Variants in CPNE4 observed in about 807,000 individuals in gnomAD.
CPNE4 encodes copine 4.
In CPNE4, 25 loss-of-function variants were observed where a neutral mutation model predicts 67.9. The observed-to-expected ratio is 0.37, with a 90% CI of 0.27 to 0.51. The LOEUF (loss-of-function observed/expected upper bound fraction) is 0.51. Among genes scored for constraint, CPNE4 ranks in the 20% least tolerant of loss-of-function variants. The pLI is 0.93. For synonymous variants in CPNE4, 242 were observed against 244.9 expected, an observed-to-expected ratio of 0.99 and a Z score of 0.11; for missense variants, 464 against 690.8, an observed-to-expected ratio of 0.67 and a Z score of 3.68.
chr3:131,801,422 G>A (rs9859894), intron 2 of CPNE4, among the ~76,000 whole-genome samples: 15,851 of 42,954 alleles, frequency 0.37, 2,193 homozygotes, highest in African/African-American at 0.46. Context: ...ATACGTGTGT[G>A]TGTGTGTGTG....
chr3:131,620,399 G>A (rs1940398612), intron 7 of CPNE4: 1 of 939,918 alleles, frequency 1.1e-6, no homozygotes, highest in African/African-American at 1.8e-5. Context: ...TTTTACTTTT[G>A]GAATAGTGAG....
intron 2 of CPNE4, among the ~76,000 whole-genome samples, chr3:131,801,418 G>GTA (rs2084115472): frequency 4.4e-5 from 2 of 45,186 alleles, no homozygotes; most frequent in African/African-American, 8.5e-5. Context: ...ATATATACGT[G>GTA]TGTGTGTGTG....
At chr3:131,549,926 G>A in intron 14 of CPNE4, 21 bp downstream of exon 14, 1 of 1,612,358 alleles carries the variant, frequency 6.2e-7, no homozygotes. Flanking sequence ...CCCCTTAGGA[G>A]GCAAATAGCC....
intron 1 of CPNE4, among the ~76,000 whole-genome samples, chr3:131,933,194 T>C (rs534512597): frequency 6.6e-6 from 1 of 152,254 alleles, no homozygotes; most frequent in Admixed American, 6.5e-5. Context: ...TGAATCACTC[T>C]GGATCAGTGT....
intron 7 of CPNE4, among the ~76,000 whole-genome samples, chr3:131,611,776 A>T (rs1048631584): frequency 6.6e-6 from 1 of 152,024 alleles, no homozygotes; most frequent in African/African-American, 2.4e-5. Context: ...ACTCTCCTGC[A>T]ATAGTTTCCC....
At chr3:131,703,537 A>G (rs995409131) in intron 3 of CPNE4, among the ~76,000 whole-genome samples, 4 of 152,316 alleles carry the variant, frequency 2.6e-5, no homozygotes, top group Admixed American at 6.5e-5. Flanking sequence ...TTCTAACAGC[A>G]TGGGTCTTCA....
chr3:131,842,532 G>A (rs932030284), intron 2 of CPNE4, among the ~76,000 whole-genome samples: 1 of 152,094 alleles, frequency 6.6e-6, no homozygotes, highest in Admixed American at 6.5e-5. Flanking sequence ...CCTTGAGAGG[G>A]GAGAATCACT....
At chr3:131,786,076 T>C (rs2083555094) in intron 2 of CPNE4, among the ~76,000 whole-genome samples, 1 of 152,074 alleles carries the variant, frequency 6.6e-6, no homozygotes, top group Non-Finnish European at 1.5e-5. Context: ...TACATGAAGG[T>C]AGGCATTGGT....
At chr3:131,615,477 A>C (rs1940081974) in intron 7 of CPNE4, among the ~76,000 whole-genome samples, 1 of 152,238 alleles carries the variant, frequency 6.6e-6, no homozygotes. Context: ...CACTTTGATA[A>C]AGTAAATTGT....
chr3:131,563,956 C>T (rs1936924567), intron 11 of CPNE4, among the ~76,000 whole-genome samples: 1 of 152,028 alleles, frequency 6.6e-6, no homozygotes. Flanking sequence ...CAGGCTAAGA[C>T]TTCACAAAAT....
intron 2 of CPNE4, among the ~76,000 whole-genome samples, chr3:131,727,463 T>A (rs1230690874): frequency 1.5e-5 from 2 of 133,798 alleles, no homozygotes; most frequent in African/African-American, 5.4e-5. Flanking sequence ...AGACTCCGTC[T>A]CAAAAAAAAG....
intron 1 of CPNE4, among the ~76,000 whole-genome samples, chr3:131,962,115 G>A (rs2072200552): frequency 6.6e-6 from 1 of 152,126 alleles, no homozygotes; most frequent in South Asian, 2.1e-4. Context: ...TCCCCTTTGA[G>A]TAGACTCCCC....
chr3:131,560,647 G>C (rs1936711339), intron 11 of CPNE4, among the ~76,000 whole-genome samples: 1 of 152,006 alleles, frequency 6.6e-6, no homozygotes, highest in Non-Finnish European at 1.5e-5. Flanking sequence ...GCTACTTGGG[G>C]AAAAATTGTG....
intron 1 of CPNE4, among the ~76,000 whole-genome samples, chr3:131,966,078 C>G (rs548725648): frequency 1.5e-3 from 233 of 152,278 alleles, no homozygotes; most frequent in Admixed American, 4.2e-3. Context: ...TCACTCAAAA[C>G]CACACAACTA....
intron 1 of CPNE4, among the ~76,000 whole-genome samples, chr3:131,953,249 A>AT (rs1460832778): frequency 4.3e-5 from 6 of 141,058 alleles, no homozygotes; most frequent in Non-Finnish European, 6.3e-5. Flanking sequence ...TAAAAAAAAA[A>AT]AAAAAAAAAA....
chr3:131,589,824 CATTAGA>C (rs1938422646), intron 7 of CPNE4, among the ~76,000 whole-genome samples: 1 of 152,182 alleles, frequency 6.6e-6, no homozygotes, highest in African/African-American at 2.4e-5. Context: ...AAGGAGAATT[CATTAGA>C]ATAAATAAGA....
chr3:131,684,647 A>G (rs900789000), intron 6 of CPNE4, among the ~76,000 whole-genome samples: 1 of 152,176 alleles, frequency 6.6e-6, no homozygotes, highest in African/African-American at 2.4e-5. Flanking sequence ...TAGCAACCAC[A>G]CCACCACCTT....
At chr3:131,556,743 A>G (rs1936477844) in intron 11 of CPNE4, among the ~76,000 whole-genome samples, 1 of 152,104 alleles carries the variant, frequency 6.6e-6, no homozygotes, top group South Asian at 2.1e-4. Flanking sequence ...CTTTGGTTTG[A>G]GTTATCTTAT....
chr3:131,845,487 T>C (rs752286826), intron 2 of CPNE4, among the ~76,000 whole-genome samples: 53 of 152,234 alleles, frequency 3.5e-4, no homozygotes, highest in Non-Finnish European at 6.3e-4. Context: ...CATTTAATCA[T>C]AGTCAAATCT....
Sources: gnomAD v4.1 joint callset for allele counts (sites outside exome capture counted in the v4.1 genomes callset) on GRCh38, gnomAD v4.1.1 for gene constraint, MANE v1.5 for transcripts, NCBI Gene and HGNC (gene_info 2026-07-23, HGNC 2026-07-21) for gene names.